The following ARHGEF28 variants were observed in gnomAD, a reference collection of about 807,000 sequenced individuals.
The protein encoded by ARHGEF28 is Rho guanine nucleotide exchange factor 28, also known as 190 kDa guanine nucleotide exchange factor.
In ARHGEF28, 152 loss-of-function variants were observed where a neutral mutation model predicts 206.6. The observed-to-expected ratio is 0.74, with a 90% CI of 0.64 to 0.84. The LOEUF (loss-of-function observed/expected upper bound fraction) is 0.84. Among genes scored for constraint, ARHGEF28 ranks in the 40% least tolerant of loss-of-function variants. ARHGEF28 has a pLI of 0.00. For synonymous variants in ARHGEF28, 763 were observed against 776.4 expected (o/e 0.98, Z 0.29); for missense variants, 2,028 against 2,073.2 (o/e 0.98, Z 0.42).
chr5:73,836,169 G>A (rs1470272087), intron 10 of ARHGEF28, among the ~76,000 whole-genome samples: 1 of 152,078 alleles, frequency 6.6e-6, no homozygotes, highest in African/African-American at 2.4e-5. Context: ...ATACTCAGTG[G>A]TGGGATTGCT....
chr5:73,866,190 G>A (rs1053026773), intron 18 of ARHGEF28, among the ~76,000 whole-genome samples, 177 bp downstream of exon 18: 5 of 152,038 alleles, frequency 3.3e-5, no homozygotes, highest in Non-Finnish European at 7.4e-5. Context: ...TCAACTTCTA[G>A]GTCAACCTAA....
intron 25 of ARHGEF28, among the ~76,000 whole-genome samples, chr5:73,886,966 G>A (rs1020351317): frequency 2.0e-5 from 3 of 152,212 alleles, no homozygotes; most frequent in Non-Finnish European, 4.4e-5. Flanking sequence ...ACCCATTGGA[G>A]GATGATCAAG....
intron 2 of ARHGEF28, among the ~76,000 whole-genome samples, chr5:73,700,867 A>G (rs1023248832): frequency 6.6e-6 from 1 of 152,206 alleles, no homozygotes; most frequent in African/African-American, 2.4e-5. Flanking sequence ...ATATTTTCGT[A>G]AGAAACTGAA....
intron 24 of ARHGEF28, among the ~76,000 whole-genome samples, chr5:73,885,082 G>A (rs975524607): frequency 2.0e-5 from 3 of 152,136 alleles, no homozygotes; most frequent in Non-Finnish European, 2.9e-5. Context: ...TTATGCTAAT[G>A]CAGTTATAAA....
intron 1 of ARHGEF28, among the ~76,000 whole-genome samples, chr5:73,651,516 T>G (rs1225818971): frequency 6.6e-6 from 1 of 152,220 alleles, no homozygotes; most frequent in Non-Finnish European, 1.5e-5. Flanking sequence ...CAAGCTATTC[T>G]TGTTGCTTTT....
intron 16 of ARHGEF28, among the ~76,000 whole-genome samples, chr5:73,861,169 A>G (rs1759374563): frequency 1.3e-5 from 2 of 151,730 alleles, no homozygotes; most frequent in Middle Eastern, 3.4e-3. Context: ...GTAGGTCCCG[A>G]GTCACTCATG....
chr5:73,800,199 T>C (rs892239459), intron 9 of ARHGEF28, among the ~76,000 whole-genome samples: 14 of 152,220 alleles, frequency 9.2e-5, no homozygotes, highest in African/African-American at 3.4e-4. Flanking sequence ...GCTGTGATCA[T>C]GAAAACAAGA....
chr5:73,813,275 T>C (rs540243509), intron 9 of ARHGEF28, among the ~76,000 whole-genome samples: 8 of 152,178 alleles, frequency 5.3e-5, no homozygotes, highest in Non-Finnish European at 7.4e-5. Flanking sequence ...GAGTTAATGA[T>C]TCATTTGCTC....
intron 1 of ARHGEF28, among the ~76,000 whole-genome samples, chr5:73,637,630 A>C (rs1350238673): frequency 6.6e-6 from 1 of 152,170 alleles, no homozygotes; most frequent in Non-Finnish European, 1.5e-5. Context: ...AGTTCTTTCC[A>C]AAGCTTTTTT....
In ARHGEF28 at chr5:73,898,071, T is replaced by C; in HGVS notation, c.3951T>C (p.Asp1317=). ...TGGCGGACACACTCAGTTCTCATGA[T>C]GTACCAGGATCACCGACTGCCTGTA... ...SVLADTLSSH[D]VPGSPTASLV... is the part of the protein sequence containing the mutation. Residue 1317 remains aspartate, a synonymous_variant, in exon 30 of 36, where the codon GAT becomes GAC. Transcript: ENST00000513042. The C allele has an allele frequency of 6.2e-7, 1 of 1,612,354 alleles. No homozygotes were observed. The highest frequency in any genetic ancestry group is 8.5e-7 in the Non-Finnish European group (1 of 1,179,278).
chr5:73,806,634 T>A (rs1580644116), intron 9 of ARHGEF28, among the ~76,000 whole-genome samples: 1 of 129,072 alleles, frequency 7.7e-6, no homozygotes, highest in Non-Finnish European at 1.6e-5. Flanking sequence ...TATATCTATA[T>A]ATACAATCTA....
At chr5:73,939,481 C>T (rs1742454270) in intron 35 of ARHGEF28, among the ~76,000 whole-genome samples, 1 of 152,212 alleles carries the variant, frequency 6.6e-6, no homozygotes, top group South Asian at 2.1e-4. Flanking sequence ...ACCCCCATGC[C>T]TCCCTACCTC....
intron 21 of ARHGEF28, among the ~76,000 whole-genome samples, chr5:73,872,426 A>T (rs1054825099): frequency 6.6e-6 from 1 of 152,030 alleles, no homozygotes; most frequent in Admixed American, 6.6e-5. Context: ...ATTTTCTCCC[A>T]TTCTGTGCGT....
intron 2 of ARHGEF28, among the ~76,000 whole-genome samples, chr5:73,741,937 T>C (rs1032738566): frequency 2.0e-5 from 3 of 152,226 alleles, no homozygotes; most frequent in Admixed American, 6.5e-5. Flanking sequence ...ACTGTGATTG[T>C]GGATTTGTCT....
At chr5:73,898,433 T>C (rs1342041317) in intron 30 of ARHGEF28, 1 of 166,330 alleles carries the variant, frequency 6.0e-6, no homozygotes, top group Admixed American at 5.8e-5. Flanking sequence ...ACTTTTCAGG[T>C]TTTTTAAAAA....
At chr5:73,808,190 G>A (rs1044887599) in intron 9 of ARHGEF28, among the ~76,000 whole-genome samples, 1 of 151,904 alleles carries the variant, frequency 6.6e-6, no homozygotes, top group Non-Finnish European at 1.5e-5. Flanking sequence ...CCATGCTCCC[G>A]ATTCATGTCT....
chr5:73,699,473 A>G (rs937872068), intron 2 of ARHGEF28, among the ~76,000 whole-genome samples: 3 of 152,172 alleles, frequency 2.0e-5, no homozygotes, highest in African/African-American at 7.2e-5. Context: ...AGTTGCAGGT[A>G]TACACCATGT....
chr5:73,851,145 G>T (rs1758671858), intron 13 of ARHGEF28, among the ~76,000 whole-genome samples: 1 of 152,202 alleles, frequency 6.6e-6, no homozygotes, highest in African/African-American at 2.4e-5. Flanking sequence ...TCATTGTTTA[G>T]TCGGCTTGGA....
At chr5:73,876,276 C>T (rs1203066030) in intron 22 of ARHGEF28, among the ~76,000 whole-genome samples, 1 of 103,576 alleles carries the variant, frequency 9.7e-6, no homozygotes, top group Non-Finnish European at 2.0e-5. Context: ...ATTTTGTATC[C>T]TGAGACTTTG....
Sources: allele counts gnomAD v4.1 joint callset (sites outside exome capture counted in the v4.1 genomes callset), GRCh38; gene constraint gnomAD v4.1.1; transcripts MANE v1.5; gene names NCBI Gene and HGNC (gene_info 2026-07-23, HGNC 2026-07-21).